METTL16: variants seen among roughly 807,000 people sequenced by gnomAD.
METTL16 encodes the protein RNA N(6)-adenosine-methyltransferase METTL16.
In METTL16, 19 loss-of-function variants were observed where a neutral mutation model predicts 57.9. The ratio of observed to expected loss-of-function variants is 0.33; its 90% CI spans 0.23 to 0.48. The LOEUF (loss-of-function observed/expected upper bound fraction) is 0.48, where lower values mean the gene tolerates loss of function less well. Ranked by LOEUF, METTL16 falls within the 20% of genes least tolerant of loss-of-function variation. The probability of loss-of-function intolerance (pLI) is 0.99; values close to 1 mark genes in which losing one functional copy is unlikely to be tolerated. For synonymous variants in METTL16, 246 were observed against 255.6 expected (o/e 0.96, Z 0.36); for missense variants, 434 against 691.5 (o/e 0.63, Z 4.18).
In METTL16 at chr17:2,416,456, T is replaced by C. The variant is rs974776572; in HGVS notation, c.*3514A>G. On this transcript the variant is annotated 3_prime_UTR_variant, in exon 10 of 10. Coordinates refer to ENST00000263092, the MANE Select transcript of METTL16 (RefSeq NM_024086.4). ...GAAAGGCTTTATGTTTTATAAAAAA[T>C]ATATACTAAAGTAATCTACACGAAG... The C allele has an allele frequency of 6.6e-6, 1 of 151,988 alleles. No homozygotes were observed. The allele number at this position is 151,988 out of a possible 1,614,324, so 9.4% of individuals were successfully genotyped here. A position where few individuals can be genotyped will look rare whatever the true frequency, so the allele number is the denominator to read the frequency against.
chr17:2,511,689 G>A, intron 1 of METTL16, 70 bp downstream of exon 1: 1 of 395,596 alleles, frequency 2.5e-6, no homozygotes, highest in Non-Finnish European at 4.5e-6. Context: ...TCAAGAATGA[G>A]GAACCCGTGT....
intron 2 of METTL16, among the ~76,000 whole-genome samples, chr17:2,482,491 T>C (rs2067314458): frequency 6.6e-6 from 1 of 152,194 alleles, no homozygotes; most frequent in African/African-American, 2.4e-5. Context: ...AACATACACA[T>C]AATCAAAATT....
intron 1 of METTL16, among the ~76,000 whole-genome samples, chr17:2,507,171 C>T (rs1241225197): frequency 2.7e-5 from 4 of 149,332 alleles, no homozygotes; most frequent in Admixed American, 6.6e-5. Flanking sequence ...CCCCTCTGCC[C>T]GGCCAGCCGC....
chr17:2,437,683 C>G (rs1256208013), intron 8 of METTL16, among the ~76,000 whole-genome samples: 2 of 152,146 alleles, frequency 1.3e-5, no homozygotes, highest in Non-Finnish European at 2.9e-5. Flanking sequence ...TCCCGAGTAG[C>G]TGGGACTACA....
In METTL16 at chr17:2,419,245, C is replaced by G. The variant is rs1272303732; in HGVS notation, c.*725G>C. 1 of 164,588 alleles carries G rather than the reference C, an allele frequency of 6.1e-6. No homozygotes were observed. The highest frequency in any genetic ancestry group is 1.3e-5 in the Non-Finnish European group (1 of 75,156). The allele number at this position is 164,588 out of a possible 1,614,324, so 10.2% of individuals were successfully genotyped here. A position where few individuals can be genotyped will look rare whatever the true frequency, so the allele number is the denominator to read the frequency against. On this transcript the variant is annotated 3_prime_UTR_variant, in exon 10 of 10. Coordinates refer to ENST00000263092, the MANE Select transcript of METTL16 (RefSeq NM_024086.4). ...AAACAAAAATCACACAGTAGTAAAA[C>G]TGCTACAAAATGGTACTGTCAACAG... is the stretch of plus-strand genomic sequence containing the variant.
rs557255971 is a variant in METTL16 at position 2,498,700 on chromosome 17, C to T, written c.128+3504G>A. Among the ~76,000 whole-genome samples the T allele has an allele frequency of 1.5e-4, 23 of 151,774 alleles. 1 individual carries two copies. The South Asian group carries it at 4.1e-3, about 27-fold the overall frequency. On this transcript the variant is annotated intron_variant, in intron 2 of 9. Transcript: ENST00000263092. ...GTTGCAGTGAACCAAGATGACATTA[C>T]TGCACTCCAGCCTGGGCAACAGAGC...
At chr17:2,434,284 C>T (rs370996756) in intron 8 of METTL16, among the ~76,000 whole-genome samples, 22 of 152,282 alleles carry the variant, frequency 1.4e-4, no homozygotes, top group Admixed American at 5.2e-4. Flanking sequence ...CTGTAACCTC[C>T]GCCCACTGTA....
chr17:2,501,076 C>G (rs1468593546), intron 2 of METTL16, among the ~76,000 whole-genome samples: 3 of 152,078 alleles, frequency 2.0e-5, no homozygotes, highest in African/African-American at 7.2e-5. Flanking sequence ...GAGACTGCAC[C>G]ACTGTACTCC....
intron 8 of METTL16, among the ~76,000 whole-genome samples, chr17:2,426,852 G>T (rs890992467): frequency 2.6e-5 from 4 of 151,414 alleles, no homozygotes; most frequent in Non-Finnish European, 5.9e-5. Flanking sequence ...TTGAAAAAAT[G>T]GGTCAGGCAC....
intron 6 of METTL16, among the ~76,000 whole-genome samples, chr17:2,461,672 G>GT (rs1226901623): frequency 2.0e-5 from 3 of 151,428 alleles, no homozygotes; most frequent in African/African-American, 7.3e-5. Flanking sequence ...TGCCTCCCAG[G>GT]TTCAAGCAGT....
At chr17:2,505,074 T>A (rs1163889635) in intron 1 of METTL16, among the ~76,000 whole-genome samples, 2 of 152,126 alleles carry the variant, frequency 1.3e-5, no homozygotes, top group Non-Finnish European at 2.9e-5. Context: ...TGTACTTATA[T>A]CAAGACATAA....
chr17:2,434,815 C>T (rs1022934108), intron 8 of METTL16, among the ~76,000 whole-genome samples: 3 of 152,200 alleles, frequency 2.0e-5, no homozygotes, highest in Admixed American at 6.5e-5. Context: ...TAGACAGCCA[C>T]GTCCCAGGCT....
chr17:2,462,756 G>A (rs1225735514), intron 6 of METTL16, among the ~76,000 whole-genome samples: 1 of 152,136 alleles, frequency 6.6e-6, no homozygotes, highest in Non-Finnish European at 1.5e-5. Context: ...GTGGAACTGT[G>A]AACTAATTAA....
At chr17:2,448,958 CAG>C (rs1488441217) in intron 6 of METTL16, among the ~76,000 whole-genome samples, 1 of 148,264 alleles carries the variant, frequency 6.7e-6, no homozygotes, top group Non-Finnish European at 1.5e-5. Context: ...ACCTGGGAGA[CAG>C]AGGTTGCAGT....
intron 6 of METTL16, among the ~76,000 whole-genome samples, chr17:2,463,543 C>G (rs768750213): frequency 1.5e-4 from 23 of 152,172 alleles, no homozygotes; most frequent in Non-Finnish European, 2.9e-4. Flanking sequence ...CTCACTGCAA[C>G]CTCTGCCTCC....
At chr17:2,487,066 A>T in intron 2 of METTL16, among the ~76,000 whole-genome samples, 1 of 150,332 alleles carries the variant, frequency 6.7e-6, no homozygotes, top group Non-Finnish European at 1.5e-5. Flanking sequence ...AGAGATAGGG[A>T]AAAGTGAAAG....
rs1391105641 is a variant in METTL16, at chr17:2,448,773, TA to T, written c.729-7215del. ...AAAATAAAATAAAAAAAATAAAAAA[TA>T]AAAAAATAAAAAAATAAAAATAAAA... On this transcript the variant is annotated intron_variant, in intron 6 of 9. Transcript: ENST00000263092. Among the ~76,000 whole-genome samples the T allele has an allele frequency of 3.4e-3, 100 of 29,592 alleles. 2 individuals are homozygous for T. Among genetic ancestry groups the T allele is most frequent in the Non-Finnish European group, 4.2e-3 (61 of 14,576 alleles). The allele number at this position is 29,592 out of a possible 152,430, so 19.4% of individuals were successfully genotyped here.
intron 6 of METTL16, among the ~76,000 whole-genome samples, chr17:2,442,012 G>A (rs910255888): frequency 3.3e-5 from 5 of 152,184 alleles, no homozygotes; most frequent in Admixed American, 3.3e-4. Context: ...ATGCATTTGA[G>A]TTTCAACAGA....
intron 8 of METTL16, among the ~76,000 whole-genome samples, chr17:2,429,291 C>T (rs561108075): frequency 2.1e-5 from 3 of 145,240 alleles, no homozygotes; most frequent in African/African-American, 7.7e-5. Flanking sequence ...CGGGTTCAAG[C>T]GATTCTCCTG....
Sources: allele counts gnomAD v4.1 joint callset (sites outside exome capture counted in the v4.1 genomes callset), GRCh38; gene constraint gnomAD v4.1.1; transcripts MANE v1.5; gene names NCBI Gene and HGNC (gene_info 2026-07-23, HGNC 2026-07-21).